Variants in DNAH10 observed in about 807,000 individuals in gnomAD.
DNAH10 encodes the protein dynein axonemal heavy chain 10.
A neutral mutation model predicts 506.6 loss-of-function variants in DNAH10; 348 were observed. That is an observed-to-expected ratio of 0.69 (90% CI 0.63 to 0.75). DNAH10 has a LOEUF of 0.75. Among genes scored for constraint, DNAH10 ranks in the 30% least tolerant of loss-of-function variants. The pLI, the probability that DNAH10 is intolerant of heterozygous loss-of-function variation, is 0.00. For missense variants in DNAH10, 5,179 were observed against 5,787.1 expected (o/e 0.89, Z 3.41); for synonymous variants, 2,059 against 2,198.6 (o/e 0.94, Z 1.78).
chr12:123,842,874 C>G (rs1950820336), intron 30 of DNAH10, among the ~76,000 whole-genome samples: 1 of 152,158 alleles, frequency 6.6e-6, no homozygotes, highest in East Asian at 1.9e-4. Flanking sequence ...AGGAGGTGGC[C>G]CTAGCATTCA....
chr12:123,822,080 G>A lies in DNAH10; in HGVS notation c.4179+1322G>A, dbSNP rs572075687. On this transcript the variant is annotated intron_variant, in intron 24 of 78. Transcript: ENST00000673944. ...AACTTAGCCAGATATGGTGGCACAT[G>A]CCTGTGATCCCAGCTGCTTGGGAGG... is the stretch of plus-strand genomic sequence containing the variant. Among the ~76,000 whole-genome samples, 197 of 152,296 alleles carry A rather than the reference G, an allele frequency of 1.3e-3. 1 individual carries two copies. The highest frequency in any genetic ancestry group is 6.0e-3 in the Admixed American group (92 of 15,298).
At position 123,916,590 on chromosome 12, in the gene DNAH10, A is replaced by T. The variant is rs1240923755; in HGVS notation, c.10856A>T (p.Lys3619Ile). 1 of 1,613,900 alleles carries T rather than the reference A, an allele frequency of 6.2e-7. No individual in the cohort carries two copies. Among genetic ancestry groups the T allele is most frequent in the Non-Finnish European group, 8.5e-7 (1 of 1,179,880 alleles). ...VIDNVLEKNIKVSQGRQFIIL... is the reference protein window; with the variant it reads ...VIDNVLEKNIIVSQGRQFIIL... ...GACAACGTCTTAGAAAAAAATATAA[A>T]AGTCTCCCAAGGACGGCAGTTTATT... The change falls in exon 63 of 79, where the codon AAA (lysine) becomes ATA (isoleucine). Residue 3619 changes from lysine (K) to isoleucine (I), a missense_variant. This residue lies in a region of DNAH10 where 4,844 missense variants were observed against 5,430.5 expected (regional missense o/e 0.89). Transcript: ENST00000673944. This position sits in a 1 kb window ranked among gnomAD's most constrained non-coding sequence, Gnocchi z 4.6.
chr12:123,835,691 C>T (rs1056649659), intron 28 of DNAH10, among the ~76,000 whole-genome samples, 163 bp downstream of exon 28: 9 of 152,152 alleles, frequency 5.9e-5, no homozygotes, highest in East Asian at 3.8e-4. Flanking sequence ...GTGATGTGAT[C>T]GTGGCTCCCT....
At chr12:123,768,431 G>A (rs1296820590) in intron 2 of DNAH10, among the ~76,000 whole-genome samples, 2 of 152,060 alleles carry the variant, frequency 1.3e-5, no homozygotes, top group Non-Finnish European at 2.9e-5. Context: ...CACCATACCC[G>A]GCCGTCCTCT....
chr12:123,887,043 C>A, intron 51 of DNAH10, 99 bp from the exon 52 acceptor site: 1 of 1,421,016 alleles, frequency 7.0e-7, no homozygotes, highest in Non-Finnish European at 9.4e-7. Flanking sequence ...TGGACAGACC[C>A]ACGCCCTCTG....
At chr12:123,877,634 A>G (rs534541296) in intron 47 of DNAH10, 102 bp from the exon 48 acceptor site, 10 of 1,413,580 alleles carry the variant, frequency 7.1e-6, no homozygotes, top group Admixed American at 2.8e-5. Flanking sequence ...TCCTTTCTAT[A>G]GCTTAGTAAT....
At chr12:123,868,271 G>A (rs896970314) in intron 43 of DNAH10, among the ~76,000 whole-genome samples, 152 bp downstream of exon 43, 2 of 152,098 alleles carry the variant, frequency 1.3e-5, no homozygotes, top group Non-Finnish European at 2.9e-5. Flanking sequence ...AGCACATGGC[G>A]GAACACCCAG....
chr12:123,770,598 C>T (rs557479506), intron 2 of DNAH10, among the ~76,000 whole-genome samples: 60 of 151,680 alleles, frequency 4.0e-4, no homozygotes, highest in African/African-American at 1.4e-3. Flanking sequence ...TGCCCTTACC[C>T]GTGCTGTCAT....
Position 123,830,536 on chromosome 12 carries a change from G to A in DNAH10, c.4392-10G>A. The A allele has an allele frequency of 6.2e-7, 1 of 1,610,988 alleles. No homozygotes were observed. ...TAAGCATAAAGATTTGAATGCTGAT[G>A]TGCTTTCAGGCATTGGAAAGAACTT... is the stretch of plus-strand genomic sequence containing the variant. On this transcript the variant is annotated splice_polypyrimidine_tract_variant and intron_variant, in intron 25 of 78. Transcript: ENST00000673944.
intron 11 of DNAH10, among the ~76,000 whole-genome samples, chr12:123,791,088 AC>A (rs536664886): frequency 3.2e-3 from 489 of 152,174 alleles, no homozygotes; most frequent in African/African-American, 0.011. Context: ...CTGAGATCAC[AC>A]CACTGTACTG....
Position 123,875,589 on chromosome 12 carries a change from G to A in DNAH10, c.8199+98G>A, listed in dbSNP as rs75504509. On this transcript the variant is annotated intron_variant, in intron 47 of 78. Transcript: ENST00000673944. The stretch of plus-strand genomic sequence containing the variant: ...ATCCATGTAGGCACAGCAGGGTTAG[G>A]GCCCTCAATACTTTTAAGGGCCTAT... The A allele has an allele frequency of 3.8e-3, 5,419 of 1,444,460 alleles. 157 individuals carry two copies. The African/African-American group carries it at 0.066, about 18-fold the overall frequency. The allele number at this position is 1,444,460 out of a possible 1,614,324, so 89.5% of individuals were successfully genotyped here. A position where few individuals can be genotyped will look rare whatever the true frequency, so the allele number is the denominator to read the frequency against.
In DNAH10 at chr12:123,902,987, A is replaced by G; in HGVS notation, c.9689A>G (p.Glu3230Gly). The part of the protein sequence containing the change: ...LAEEKAMEIE[E>G]QNKVIAMEKA... ...GAGGAAAAGGCCATGGAGATAGAGG[A>G]GCAGAACAAAGTCATTGCCATGGAG... Residue 3230 changes from glutamate (E) to glycine (G), a missense_variant, in exon 57 of 79, where the codon GAG becomes GGG. Coordinates refer to ENST00000673944, the MANE Select transcript of DNAH10 (RefSeq NM_001372106.1). The surrounding 1 kb of genome is among the most constrained non-coding windows in gnomAD (Gnocchi z 4.5). 1 of 1,595,984 alleles carries G rather than the reference A, an allele frequency of 6.3e-7. No individual in the cohort carries two copies. Among genetic ancestry groups the G allele is most frequent in the South Asian group, 1.1e-5 (1 of 87,876 alleles).
At chr12:123,765,492 GTCAA>G (rs1193685076) in intron 1 of DNAH10, among the ~76,000 whole-genome samples, 2 of 152,116 alleles carry the variant, frequency 1.3e-5, no homozygotes, top group African/African-American at 2.4e-5. Context: ...CAAATTATCA[GTCAA>G]TCAATCAGCC....
chr12:123,873,810 T>C (rs1158051242), intron 46 of DNAH10, 100 bp downstream of exon 46: 1 of 1,419,200 alleles, frequency 7.0e-7, no homozygotes, highest in East Asian at 2.5e-5. Context: ...AACATTGATC[T>C]TTACCTCTGT....
rs752876218 is a variant in DNAH10 at position 123,826,750 on chromosome 12, G to A, written c.4243G>A (p.Gly1415Arg). 4 of 1,613,936 alleles carry A rather than the reference G, an allele frequency of 2.5e-6. No homozygotes were observed. In the Admixed American group the frequency reaches 5.0e-5, roughly 20 times the overall value. ...CCTGAATGTGCAGATTCTCCAGGAA[G>A]GAATTGAAGGTTTTCTCAGGGCTCT... is the stretch of plus-strand genomic sequence containing the variant. ...INLNVQILQE[G>R]IEGFLRALRK... The change falls in exon 25 of 79, where the codon GGA becomes AGA. Residue 1415 changes from glycine to arginine, a missense_variant. Around this residue, in one of 3 missense-constraint regions of DNAH10, gnomAD observed 4,844 missense variants for 5,430.5 expected, o/e 0.89. Coordinates refer to ENST00000673944, the MANE Select transcript of DNAH10 (RefSeq NM_001372106.1).
At chr12:123,920,393 G>C (rs1332056347) in intron 65 of DNAH10, among the ~76,000 whole-genome samples, 4 of 152,236 alleles carry the variant, frequency 2.6e-5, no homozygotes, top group African/African-American at 9.6e-5. Context: ...GTGTGCCACA[G>C]GCCCCACTGG....
At chr12:123,880,809 C>T (rs1458740926) in intron 50 of DNAH10, among the ~76,000 whole-genome samples, 2 of 107,004 alleles carry the variant, frequency 1.9e-5, no homozygotes, top group African/African-American at 7.3e-5. Context: ...CCTCCCCCCA[C>T]CCCACAACAG....
Position 123,861,141 on chromosome 12 carries a change from C to T in DNAH10, c.6879C>T (p.Ile2293=). The T allele has an allele frequency of 6.2e-7, 1 of 1,613,890 alleles. No homozygotes were observed. Residue 2293 remains isoleucine, a synonymous_variant, in exon 39 of 79, where the codon ATC becomes ATT. Transcript: ENST00000673944. ...DGVLSNIFRE[I]NKPTDKKERK... ...TGTTGTCAAACATCTTCAGGGAAAT[C>T]AACAAGCCAACAGACAAGAAGGAGC...
intron 42 of DNAH10, 116 bp from the exon 43 acceptor site, chr12:123,867,787 A>T (rs901232770): frequency 7.5e-7 from 1 of 1,332,918 alleles, no homozygotes; most frequent in African/African-American, 1.5e-5. Flanking sequence ...CTGAACCAAC[A>T]TGTTGGGTCT....
Sources: gnomAD v4.1 joint callset for allele counts (sites outside exome capture counted in the v4.1 genomes callset) on GRCh38, gnomAD v4.1.1 for gene constraint, gnomAD v4.1.1 regional missense constraint, Gnocchi (gnomAD v3.1) non-coding constraint, MANE v1.5 for transcripts, NCBI Gene and HGNC (gene_info 2026-07-23, HGNC 2026-07-21) for gene names.